RGL1: variants seen among roughly 807,000 people sequenced by gnomAD.
RGL1 encodes ral guanine nucleotide dissociation stimulator like 1, also known as ral guanine nucleotide dissociation stimulator-like 1.
In RGL1, 24 loss-of-function variants were observed where a neutral mutation model predicts 95.2. That is an observed-to-expected ratio of 0.25 (90% CI 0.18 to 0.35). The LOEUF is 0.35. Among genes scored for constraint, RGL1 ranks in the 10% least tolerant of loss-of-function variants. The probability of loss-of-function intolerance (pLI) is 1.00; values close to 1 mark genes in which losing one functional copy is unlikely to be tolerated. For missense variants in RGL1, 715 were observed against 936.3 expected (o/e 0.76, Z 3.08); for synonymous variants, 329 against 344.9 (o/e 0.95, Z 0.51).
intron 3 of RGL1, among the ~76,000 whole-genome samples, chr1:183,865,207 A>G (rs866924194): frequency 7.9e-5 from 12 of 152,360 alleles, no homozygotes; most frequent in Middle Eastern, 3.4e-3. Flanking sequence ...AGGCTGGCTC[A>G]CATGTGGAGT....
chr1:183,751,014 G>A (rs1657963861), intron 2 of RGL1, among the ~76,000 whole-genome samples: 1 of 152,230 alleles, frequency 6.6e-6, no homozygotes, highest in African/African-American at 2.4e-5. Context: ...GCTGGGAGGT[G>A]TCTCCCAGTT....
intron 1 of RGL1, chr1:183,647,128 A>G (rs16861371): frequency 0.068 from 10,336 of 152,948 alleles, 623 homozygotes; most frequent in African/African-American, 0.16. Context: ...CTTTATAGCT[A>G]TATGTAATCA....
Position 183,880,632 on chromosome 1 carries a change from C to G in RGL1, c.442C>G (p.Leu148Val). ...CTTTCTCAGTGCAATCGCTTCCATA[C>G]TAAGGGCCTGGCTTGACCAGTGTGC... ...MVIRNAIASI[L>V]RAWLDQCAED... is the part of the protein sequence containing the mutation. The change falls in exon 5 of 18, where the codon CTA (leucine) becomes GTA (valine). Residue 148 changes from leucine to valine, a missense_variant. Leu to Val is a conservative substitution (Grantham distance 32). Coordinates refer to ENST00000360851, the MANE Select transcript of RGL1 (RefSeq NM_001297671.3). The G allele has an allele frequency of 6.2e-7, 1 of 1,613,776 alleles. No homozygotes were observed.
At chr1:183,648,584 G>T in intron 1 of RGL1, 1 of 1,614,194 alleles carries the variant, frequency 6.2e-7, no homozygotes. Context: ...CATAAAATGT[G>T]AGGTGTTTTG....
At chr1:183,920,946 A>C (rs1415824725) in intron 16 of RGL1, among the ~76,000 whole-genome samples, 1 of 152,142 alleles carries the variant, frequency 6.6e-6, no homozygotes, top group Non-Finnish European at 1.5e-5. Flanking sequence ...TCTGGGAGGA[A>C]ATGAGACTTC....
intron 9 of RGL1, among the ~76,000 whole-genome samples, chr1:183,896,711 T>C (rs1667722146): frequency 6.6e-6 from 1 of 152,134 alleles, no homozygotes; most frequent in Non-Finnish European, 1.5e-5. Context: ...TCCTGGAAAA[T>C]GAGAACTTAA....
chr1:183,678,695 C>T (rs750272133), intron 1 of RGL1, among the ~76,000 whole-genome samples: 8 of 151,336 alleles, frequency 5.3e-5, no homozygotes, highest in Non-Finnish European at 1.2e-4. Flanking sequence ...CAAGATTCTT[C>T]TAAGCAAGAT....
chr1:183,827,977 A>G (rs1457592112), intron 2 of RGL1, among the ~76,000 whole-genome samples: 1 of 152,238 alleles, frequency 6.6e-6, no homozygotes, highest in Non-Finnish European at 1.5e-5. Flanking sequence ...ATCCAGGACC[A>G]TTGTGTCCAC....
intron 10 of RGL1, among the ~76,000 whole-genome samples, 164 bp downstream of exon 10, chr1:183,898,061 A>G (rs1271799480): frequency 1.3e-5 from 2 of 152,194 alleles, no homozygotes; most frequent in Admixed American, 6.5e-5. Flanking sequence ...TGGGAGGTCT[A>G]TAGGAGAGAG....
In RGL1 at chr1:183,922,401, G is replaced by C; in HGVS notation, c.2119+65G>C. ...CAGGTGGCTAGCACATGTCCACAGT[G>C]CTCCGCGTTTAGAAGGCAGAAAACG... is the stretch of plus-strand genomic sequence containing the variant. On this transcript the variant is annotated intron_variant, in intron 17 of 17. Transcript: ENST00000360851. The C allele has an allele frequency of 2.5e-6, 3 of 1,194,654 alleles. No homozygotes were observed. In the South Asian group the frequency reaches 3.8e-5, roughly 15 times the overall value. 74.0% of individuals were successfully genotyped at this position (1,194,654 alleles called of 1,614,324 possible).
intron 2 of RGL1, among the ~76,000 whole-genome samples, chr1:183,758,327 G>T (rs1264486864): frequency 6.6e-6 from 1 of 151,962 alleles, no homozygotes; most frequent in East Asian, 1.9e-4. Context: ...CTCCAGAGTA[G>T]CTGGGACTAC....
intron 3 of RGL1, among the ~76,000 whole-genome samples, chr1:183,859,883 C>G (rs1377010487): frequency 6.6e-6 from 1 of 152,198 alleles, no homozygotes; most frequent in South Asian, 2.1e-4. Context: ...GTTCTCAGGT[C>G]AGACTTGGCG....
intron 1 of RGL1, among the ~76,000 whole-genome samples, chr1:183,737,698 G>A (rs965762326): frequency 1.3e-5 from 2 of 151,312 alleles, no homozygotes; most frequent in African/African-American, 2.4e-5. Context: ...TTTTATTTCT[G>A]TGCTTCATAA....
intron 1 of RGL1, among the ~76,000 whole-genome samples, chr1:183,649,128 G>A (rs1324896876): frequency 6.6e-6 from 1 of 152,186 alleles, no homozygotes; most frequent in Non-Finnish European, 1.5e-5. Flanking sequence ...TCAGCTTGGT[G>A]GCCTTTGACA....
At chr1:183,780,622 A>C (rs1659852069) in intron 2 of RGL1, among the ~76,000 whole-genome samples, 1 of 152,216 alleles carries the variant, frequency 6.6e-6, no homozygotes, top group African/African-American at 2.4e-5. Context: ...CTTATTTTAT[A>C]GGATTTGTAT....
At chr1:183,829,943 C>T (rs926588793) in intron 2 of RGL1, among the ~76,000 whole-genome samples, 7 of 152,074 alleles carry the variant, frequency 4.6e-5, no homozygotes, top group Non-Finnish European at 7.4e-5. Flanking sequence ...TGGTTTCTAC[C>T]GCCATTAGAC....
At chr1:183,920,192 G>T (rs1669233949) in intron 16 of RGL1, among the ~76,000 whole-genome samples, 1 of 151,966 alleles carries the variant, frequency 6.6e-6, no homozygotes, top group Non-Finnish European at 1.5e-5. Context: ...CCACGACCAC[G>T]CCTGGCTAAC....
At chr1:183,646,872 A>T (rs1411111476) in intron 1 of RGL1, 1 of 152,236 alleles carries the variant, frequency 6.6e-6, no homozygotes, top group Non-Finnish European at 1.5e-5. Context: ...ATCCTAAGGG[A>T]AAAGCTAAAG....
chr1:183,649,293 T>A (rs1017854062), intron 1 of RGL1, among the ~76,000 whole-genome samples: 1 of 152,256 alleles, frequency 6.6e-6, no homozygotes, highest in Non-Finnish European at 1.5e-5. Flanking sequence ...TCAGTAAATA[T>A]TAACTCTTAG....
Sources: gnomAD v4.1 joint callset for allele counts (sites outside exome capture counted in the v4.1 genomes callset) on GRCh38, gnomAD v4.1.1 for gene constraint, MANE v1.5 for transcripts, NCBI Gene and HGNC (gene_info 2026-07-23, HGNC 2026-07-21) for gene names.